Variants in MYO16 observed in about 807,000 individuals in gnomAD.
MYO16 encodes unconventional myosin-XVI.
MYO16 carries 94 observed loss-of-function variants against 205.3 expected under a neutral mutation model. The observed-to-expected ratio is 0.46, with a 90% CI of 0.39 to 0.54. MYO16 has a LOEUF of 0.54. Ranked by LOEUF, MYO16 falls within the 20% of genes least tolerant of loss-of-function variation. The pLI is 0.00. For synonymous variants in MYO16, 988 were observed against 954.0 expected, an observed-to-expected ratio of 1.04 and a Z score of -0.66; for missense variants, 2,315 against 2,387.5, an observed-to-expected ratio of 0.97 and a Z score of 0.63.
intron 28 of MYO16, among the ~76,000 whole-genome samples, chr13:109,110,252 A>G (rs973804701): frequency 2.6e-5 from 4 of 152,216 alleles, no homozygotes; most frequent in Non-Finnish European, 5.9e-5. Context: ...TGGCTTTGGT[A>G]AGCTTTTTCA....
intron 32 of MYO16, among the ~76,000 whole-genome samples, chr13:109,154,911 G>GAA (rs59465499): frequency 0.019 from 1,177 of 62,654 alleles, 117 homozygotes; most frequent in Non-Finnish European, 0.023. Flanking sequence ...GGCTAATTAT[G>GAA]AAAAAAAAAA....
chr13:108,904,436 C>T (rs1028403488), intron 15 of MYO16, among the ~76,000 whole-genome samples: 3 of 152,142 alleles, frequency 2.0e-5, no homozygotes, highest in Non-Finnish European at 4.4e-5. Flanking sequence ...ATTTGAGACT[C>T]GAGGTAATTT....
chr13:108,516,922 G>GTTTTA, the MYO16 span, among the ~76,000 whole-genome samples: 1 of 151,568 alleles, frequency 6.6e-6, no homozygotes, highest in Non-Finnish European at 1.5e-5. Flanking sequence ...GAGTAATTAT[G>GTTTTA]TTTTGTTTTG....
the MYO16 span, among the ~76,000 whole-genome samples, chr13:108,584,017 G>T: frequency 6.6e-6 from 1 of 152,106 alleles, no homozygotes; most frequent in African/African-American, 2.4e-5. Context: ...GCAGTGGCAC[G>T]ATCTTGGCTC....
chr13:108,967,782 A>G (rs1883852787), intron 20 of MYO16, among the ~76,000 whole-genome samples: 1 of 152,158 alleles, frequency 6.6e-6, no homozygotes, highest in South Asian at 2.1e-4. Context: ...TGGGGAAGAA[A>G]TGTTGTTAAA....
At chr13:109,074,365 C>A (rs1285486544) in intron 27 of MYO16, among the ~76,000 whole-genome samples, 1 of 152,094 alleles carries the variant, frequency 6.6e-6, no homozygotes, top group Admixed American at 6.5e-5. Flanking sequence ...TGAGAATGGA[C>A]AATTTGTAAA....
At chr13:109,149,205 G>T (rs9514993) in intron 32 of MYO16, among the ~76,000 whole-genome samples, 31 of 152,284 alleles carry the variant, frequency 2.0e-4, no homozygotes, top group African/African-American at 6.5e-4. Context: ...GCGCTTCTAG[G>T]TGCATACGTA....
chr13:109,129,376 A>G (rs1210192024), intron 31 of MYO16, among the ~76,000 whole-genome samples: 5 of 152,156 alleles, frequency 3.3e-5, no homozygotes, highest in Non-Finnish European at 7.3e-5. Flanking sequence ...GAGATCGTCC[A>G]TAGGAAAGTC....
intron 23 of MYO16, among the ~76,000 whole-genome samples, chr13:109,037,955 A>G (rs7334647): frequency 0.34 from 52,092 of 152,068 alleles, 10,330 homozygotes; most frequent in East Asian, 0.87. Flanking sequence ...TGAAAGGAAA[A>G]GCAGCAGTGA....
intron 2 of MYO16, among the ~76,000 whole-genome samples, chr13:108,697,991 G>GT (rs1566556624): frequency 2.0e-5 from 3 of 152,160 alleles, no homozygotes; most frequent in Non-Finnish European, 4.4e-5. Flanking sequence ...CCAAAGTGCT[G>GT]GGATTACAGG....
the MYO16 span, among the ~76,000 whole-genome samples, chr13:108,566,661 G>A: frequency 1.5e-5 from 2 of 134,112 alleles, no homozygotes; most frequent in African/African-American, 5.6e-5. Flanking sequence ...AAAGAAAGAA[G>A]GAAAGAAGGA....
intron 33 of MYO16, among the ~76,000 whole-genome samples, chr13:109,171,145 T>C (rs931196300): frequency 2.0e-5 from 3 of 152,212 alleles, no homozygotes; most frequent in African/African-American, 7.2e-5. Context: ...AGTAAGCATT[T>C]GCTGATTGAA....
At chr13:108,690,306 T>C (rs1882842324) in intron 2 of MYO16, among the ~76,000 whole-genome samples, 1 of 56,160 alleles carries the variant, frequency 1.8e-5, no homozygotes, top group South Asian at 6.0e-4. Context: ...AAATTCCTGC[T>C]ATTTTCTTTT....
At chr13:108,645,049 G>A (rs760121600) in intron 1 of MYO16, among the ~76,000 whole-genome samples, 3 of 152,204 alleles carry the variant, frequency 2.0e-5, no homozygotes, top group Non-Finnish European at 4.4e-5. Flanking sequence ...AACAGTAGCA[G>A]AGACATCAGG....
At chr13:108,591,302 G>C (rs1032287061), upstream of MYO16, among the ~76,000 whole-genome samples, 4 of 152,190 alleles carry the variant, frequency 2.6e-5, no homozygotes, top group Non-Finnish European at 5.9e-5. Context: ...AAATGTGTAA[G>C]AGCTTCAGTC....
chr13:108,693,371 A>G (rs939816261), intron 2 of MYO16, among the ~76,000 whole-genome samples: 5 of 152,148 alleles, frequency 3.3e-5, no homozygotes, highest in African/African-American at 1.2e-4. Flanking sequence ...TATTGTGCCC[A>G]TTAATTAGTC....
chr13:109,022,906 ATG>A (rs1441657143), intron 23 of MYO16, among the ~76,000 whole-genome samples: 1 of 135,728 alleles, frequency 7.4e-6, no homozygotes, highest in Non-Finnish European at 1.5e-5. Flanking sequence ...ATGTAAATAT[ATG>A]TATACATTTA....
At chr13:108,732,678 G>A (rs1884562783) in intron 4 of MYO16, among the ~76,000 whole-genome samples, 2 of 152,168 alleles carry the variant, frequency 1.3e-5, no homozygotes, top group African/African-American at 4.8e-5. Flanking sequence ...GAAGCCCTGG[G>A]AAGAAGGAGG....
chr13:108,932,648 C>T (rs1019381674), intron 16 of MYO16, among the ~76,000 whole-genome samples: 2 of 152,170 alleles, frequency 1.3e-5, no homozygotes, highest in African/African-American at 4.8e-5. Flanking sequence ...TATTTTCCCA[C>T]CCAGTATCTA....
Sources: gnomAD v4.1 joint callset for allele counts (sites outside exome capture counted in the v4.1 genomes callset) on GRCh38, gnomAD v4.1.1 for gene constraint, MANE v1.5 for transcripts, NCBI Gene and HGNC (gene_info 2026-07-23, HGNC 2026-07-21) for gene names.